RBM47: variants seen among roughly 807,000 people sequenced by gnomAD.
RBM47 encodes RNA binding motif protein 47, also known as RNA-binding protein 47.
Under a neutral mutation model 47.1 loss-of-function variants are expected in RBM47, and 21 were observed. That is an observed-to-expected ratio of 0.45 (90% CI 0.32 to 0.64). RBM47 has a LOEUF of 0.64. Ranked by LOEUF, RBM47 falls within the 30% of genes least tolerant of loss-of-function variation. The pLI, the probability that RBM47 is intolerant of heterozygous loss-of-function variation, is 0.05. For missense variants in RBM47, 708 were observed against 870.9 expected, an observed-to-expected ratio of 0.81 and a Z score of 2.35; for synonymous variants, 375 against 361.7, an observed-to-expected ratio of 1.04 and a Z score of -0.42.
Position 40,498,054 on chromosome 4 carries a change from T to TATATATATATATATATA in RBM47, c.-154-31356_-154-31355insTATATATATATATATAT, listed in dbSNP as rs1553890650. 7.4e-4 allele frequency among the ~76,000 whole-genome samples: 81 copies of TATATATATATATATATA among 109,832 alleles called. 1 individual carries two copies. Among genetic ancestry groups the TATATATATATATATATA allele is most frequent in the African/African-American group, 1.9e-3 (59 of 31,652 alleles). The allele number at this position is 109,832 out of a possible 152,430, so 72.1% of individuals were successfully genotyped here. A position where few individuals can be genotyped will look rare whatever the true frequency, so the allele number is the denominator to read the frequency against. On this transcript the variant is annotated intron_variant, in intron 2 of 6. Transcript: ENST00000295971. The stretch of plus-strand genomic sequence containing the variant: ...TGCAAATAAAATGTAAGTGCTTGTT[T>TATATATATATATATATA]TATATATATATATATATATATATAT...
chr4:40,512,727 A>AAAG (rs1725105813), intron 2 of RBM47, among the ~76,000 whole-genome samples: 1 of 151,632 alleles, frequency 6.6e-6, no homozygotes, highest in Non-Finnish European at 1.5e-5. Context: ...AAAAAAAAAA[A>AAAG]AAAGAAAGAA....
intron 2 of RBM47, among the ~76,000 whole-genome samples, chr4:40,481,592 C>T (rs1488089377): frequency 6.7e-6 from 1 of 149,384 alleles, no homozygotes; most frequent in Non-Finnish European, 1.5e-5. Flanking sequence ...CGCTCTGTTG[C>T]CCAGGCTAGA....
rs1285915728 is a variant in RBM47 at position 40,437,954 on chromosome 4, T to C, written c.940A>G (p.Thr314Ala). 2 of 1,613,488 alleles carry C rather than the reference T, an allele frequency of 1.2e-6. No individual in the cohort carries two copies. Among genetic ancestry groups the C allele is most frequent in the African/African-American group, 2.7e-5 (2 of 74,954 alleles). ...TELEGSCLEV[T>A]LAKPVDKEQY... is the part of the protein sequence containing the mutation. The stretch of plus-strand genomic sequence containing the variant: ...TCCTTGTCCACGGGCTTGGCCAGCG[T>C]GACCTCCAGGCACGAGCCCTCCAGC... Residue 314 changes from threonine (T) to alanine (A), a missense_variant, in exon 4 of 7, where the codon ACG (threonine) becomes GCG (alanine). Coordinates refer to ENST00000295971, the MANE Select transcript of RBM47 (RefSeq NM_001098634.2).
chr4:40,429,949 C>T (rs1278334446), intron 6 of RBM47, among the ~76,000 whole-genome samples: 1 of 151,942 alleles, frequency 6.6e-6, no homozygotes, highest in Non-Finnish European at 1.5e-5. Context: ...AATCCCAGCA[C>T]TTTGGGAGGC....
Position 40,426,013 on chromosome 4 carries a change from T to C in RBM47, c.1673A>G (p.Asn558Ser), listed in dbSNP as rs1470603849. The stretch of plus-strand genomic sequence containing the variant: ...ATACATGGCGGCCGCGGCTGCCGCG[T>C]TCTTCTGTAGTGTGGCGATCGTGGC... ...ATATIATLQKNAAAAAAMYGG... is the reference protein window; with the variant it reads ...ATATIATLQKSAAAAAAMYGG... The change falls in exon 7 of 7, where the codon AAC becomes AGC. Residue 558 changes from asparagine to serine, a missense_variant. Coordinates refer to ENST00000295971, the MANE Select transcript of RBM47 (RefSeq NM_001098634.2). The C allele has an allele frequency of 6.2e-7, 1 of 1,614,002 alleles. No homozygotes were observed. The highest frequency in any genetic ancestry group is 8.5e-7 in the Non-Finnish European group (1 of 1,180,046).
At chr4:40,582,654 C>T (rs560936349) in intron 1 of RBM47, among the ~76,000 whole-genome samples, 2 of 152,360 alleles carry the variant, frequency 1.3e-5, no homozygotes, top group Non-Finnish European at 2.9e-5. Flanking sequence ...TCCTTCCGTA[C>T]TATGACCCCA....
chr4:40,546,617 T>C (rs1381770773), intron 1 of RBM47, among the ~76,000 whole-genome samples: 1 of 152,232 alleles, frequency 6.6e-6, no homozygotes, highest in Non-Finnish European at 1.5e-5. Context: ...AGTAATCATT[T>C]GTTCCAAAGT....
chr4:40,627,139 C>T (rs995259178), intron 1 of RBM47, among the ~76,000 whole-genome samples: 1 of 152,148 alleles, frequency 6.6e-6, no homozygotes, highest in Admixed American at 6.5e-5. Context: ...GAAAATATAT[C>T]TCCTAATCAG....
At chr4:40,591,023 G>C (rs35836175) in intron 1 of RBM47, among the ~76,000 whole-genome samples, 84 of 152,020 alleles carry the variant, frequency 5.5e-4, no homozygotes, top group Admixed American at 4.6e-4. Context: ...GGCTGGTCTC[G>C]AACTCCTGAC....
chr4:40,601,639 C>T (rs1488638248), intron 1 of RBM47, among the ~76,000 whole-genome samples: 4 of 152,160 alleles, frequency 2.6e-5, no homozygotes, highest in Admixed American at 6.5e-5. Context: ...AAAAAAGCTT[C>T]GCTTGCTTGT....
chr4:40,473,386 G>A (rs1326537218), intron 2 of RBM47, among the ~76,000 whole-genome samples: 2 of 152,198 alleles, frequency 1.3e-5, no homozygotes, highest in Non-Finnish European at 2.9e-5. Context: ...CAATCTGGAA[G>A]AGTAGAAAAC....
chr4:40,523,459 C>T (rs1049570793), intron 2 of RBM47, among the ~76,000 whole-genome samples: 9 of 151,774 alleles, frequency 5.9e-5, no homozygotes, highest in East Asian at 2.0e-4. Context: ...GAGACCAACC[C>T]GGCCAACATG....
chr4:40,607,072 CTATT>C lies in RBM47; in HGVS notation c.-240+22320_-240+22323del, dbSNP rs1340398664. 1.4e-4 allele frequency among the ~76,000 whole-genome samples: 22 copies of C among 152,254 alleles called. No individual in the cohort carries two copies. The East Asian group carries it at 3.9e-3, about 27-fold the overall frequency. ...CATCTCTTCTACGCTGTGCAAAAAT[CTATT>C]TATTCAAAGTCCAGCTGAACCCAAA... On this transcript the variant is annotated intron_variant, in intron 1 of 6. Coordinates refer to ENST00000295971, the MANE Select transcript of RBM47 (RefSeq NM_001098634.2).
In RBM47 at chr4:40,548,671, C is replaced by CT. The variant is rs201400451; in HGVS notation, c.-239-4166dup. Among the ~76,000 whole-genome samples, 77 of 147,128 alleles carry CT rather than the reference C, an allele frequency of 5.2e-4. 1 individual carries two copies. The highest frequency in any genetic ancestry group is 2.4e-3 in the South Asian group (11 of 4,636). ...GGCTTTTAAATCTGAGTACATATTA[C>CT]TTTTTTTTTTTTGAGACAGAGTTTT... is the stretch of plus-strand genomic sequence containing the variant. On this transcript the variant is annotated intron_variant, in intron 1 of 6. Transcript: ENST00000295971.
At chr4:40,587,774 T>C (rs781656442) in intron 1 of RBM47, among the ~76,000 whole-genome samples, 2 of 152,184 alleles carry the variant, frequency 1.3e-5, no homozygotes, top group Non-Finnish European at 2.9e-5. Flanking sequence ...GTAAATAGGA[T>C]TGCTAATAAA....
intron 1 of RBM47, among the ~76,000 whole-genome samples, chr4:40,554,958 G>T (rs1165041319): frequency 6.6e-6 from 1 of 151,688 alleles, no homozygotes; most frequent in East Asian, 1.9e-4. Flanking sequence ...TTTTTGAGAC[G>T]TAGTTTCCCT....
chr4:40,615,256 T>C (rs1165891883), intron 1 of RBM47, among the ~76,000 whole-genome samples: 1 of 151,940 alleles, frequency 6.6e-6, no homozygotes, highest in African/African-American at 2.4e-5. Flanking sequence ...CTGGGCAACA[T>C]GGTGAAACCC....
At chr4:40,461,270 A>C (rs1160278741) in intron 3 of RBM47, among the ~76,000 whole-genome samples, 2 of 152,198 alleles carry the variant, frequency 1.3e-5, no homozygotes, top group African/African-American at 2.4e-5. Flanking sequence ...CAATTAAAAA[A>C]CTAATACATC....
At chr4:40,603,064 T>G (rs867963637) in intron 1 of RBM47, among the ~76,000 whole-genome samples, 1,965 of 152,272 alleles carry the variant, frequency 0.013, 42 homozygotes, top group African/African-American at 0.045. Flanking sequence ...CAGTCAACTT[T>G]AACAAACTGA....
Sources: allele counts gnomAD v4.1 joint callset (sites outside exome capture counted in the v4.1 genomes callset), GRCh38; gene constraint gnomAD v4.1.1; transcripts MANE v1.5; gene names NCBI Gene and HGNC (gene_info 2026-07-23, HGNC 2026-07-21).